Variants in TFIP11 observed in about 807,000 individuals in gnomAD.
TFIP11 encodes the protein tuftelin interacting protein 11, also known as tuftelin-interacting protein 11.
Under a neutral mutation model 96.8 loss-of-function variants are expected in TFIP11, and 86 were observed. The ratio of observed to expected loss-of-function variants is 0.89; its 90% CI spans 0.75 to 1.06. The LOEUF is 1.06. Among genes scored for constraint, TFIP11 ranks in the 50% least tolerant of loss-of-function variants. The pLI, the probability that TFIP11 is intolerant of heterozygous loss-of-function variation, is 0.00. For synonymous variants in TFIP11, 405 were observed against 395.2 expected (o/e 1.02, Z -0.29); for missense variants, 881 against 1,076.7 (o/e 0.82, Z 2.54).
intron 8 of TFIP11, among the ~76,000 whole-genome samples, chr22:26,500,753 C>T (rs937442830): frequency 6.6e-6 from 1 of 151,926 alleles, no homozygotes; most frequent in African/African-American, 2.4e-5. Flanking sequence ...GTCCAGATAA[C>T]AGCACGTTTG....
At chr22:26,499,077 GA>G (rs768998858) in intron 9 of TFIP11, 26 bp downstream of exon 9, 199 of 1,595,494 alleles carry the variant, frequency 1.2e-4, no homozygotes, top group Middle Eastern at 1.7e-4. Context: ...GAGAGGCAGG[GA>G]TAGGTTGATT....
intron 6 of TFIP11, among the ~76,000 whole-genome samples, chr22:26,505,518 T>G (rs1470111884): frequency 3.3e-5 from 5 of 152,008 alleles, no homozygotes; most frequent in Admixed American, 1.3e-4. Context: ...TCCTGTGGGT[T>G]GGGGTGGAAG....
intron 13 of TFIP11, 186 bp from the exon 14 acceptor site, chr22:26,494,490 G>C: frequency 3.9e-6 from 3 of 766,394 alleles, no homozygotes; most frequent in Non-Finnish European, 6.3e-6. Flanking sequence ...GGTAGCTAAA[G>C]TGCCCTTGCA....
chr22:26,510,306 C>G, intron 3 of TFIP11, 25 bp from the exon 4 acceptor site: 1 of 1,610,632 alleles, frequency 6.2e-7, no homozygotes, highest in East Asian at 2.2e-5. Context: ...AAAAAGAGCA[C>G]AGGCCGTAAG....
At chr22:26,495,420 G>A (rs1050460841) in intron 12 of TFIP11, among the ~76,000 whole-genome samples, 7 of 151,638 alleles carry the variant, frequency 4.6e-5, no homozygotes, top group African/African-American at 1.7e-4. Context: ...TGGGACGACA[G>A]GCGCCCGCCA....
Position 26,494,145 on chromosome 22 carries a change from TGGA to T in TFIP11, c.2149_2151del (p.Ser717del), listed in dbSNP as rs769844960. On this transcript the variant is annotated inframe_deletion, in exon 14 of 15. Coordinates refer to ENST00000407690, the MANE Select transcript of TFIP11 (RefSeq NM_012143.4). ...AATGGGAATCCTCACTTACCAACGT[TGGA>T]GGACACCGCCCGGTTCATGATATCA... 1 of 1,613,902 alleles carries T rather than the reference TGGA, an allele frequency of 6.2e-7. No homozygotes were observed. The highest frequency in any genetic ancestry group is 8.5e-7 in the Non-Finnish European group (1 of 1,179,784).
chr22:26,506,485 A>G, intron 5 of TFIP11, 26 bp from the exon 6 acceptor site: 1 of 1,582,574 alleles, frequency 6.3e-7, no homozygotes, highest in South Asian at 1.2e-5. Context: ...ATCAAAGCTT[A>G]GTTAATGGAA....
At chr22:26,496,348 C>A in intron 11 of TFIP11, 32 bp from the exon 12 acceptor site, 1 of 1,564,116 alleles carries the variant, frequency 6.4e-7, no homozygotes, top group South Asian at 1.2e-5. Flanking sequence ...CAGTTCATGT[C>A]GCCTGTGGGG....
intron 7 of TFIP11, among the ~76,000 whole-genome samples, chr22:26,503,167 C>G (rs1347911220): frequency 6.6e-6 from 1 of 152,184 alleles, no homozygotes; most frequent in Non-Finnish European, 1.5e-5. Flanking sequence ...CTAAAAATGG[C>G]TGTCATGGCT....
Position 26,499,805 on chromosome 22 carries a change from A to T in TFIP11, c.802-174T>A, listed in dbSNP as rs921182956. Among the ~76,000 whole-genome samples the T allele has an allele frequency of 2.0e-5, 3 of 152,152 alleles. No homozygotes were observed. The South Asian group carries it at 6.2e-4, about 32-fold the overall frequency. ...ACCATACTGTCCTAGCCTAAAGGAGACTCCAGGGACAAAATCAGATGCAGC... is the reference window on the plus strand; with the variant it reads ...ACCATACTGTCCTAGCCTAAAGGAGTCTCCAGGGACAAAATCAGATGCAGC... On this transcript the variant is annotated intron_variant, in intron 8 of 14. Coordinates refer to ENST00000407690, the MANE Select transcript of TFIP11 (RefSeq NM_012143.4).
At chr22:26,498,835 G>A (rs199498309) in intron 10 of TFIP11, 34 bp downstream of exon 10, 503 of 1,559,202 alleles carry the variant, frequency 3.2e-4, no homozygotes, top group Non-Finnish European at 4.1e-4. Context: ...CAGGAGAAAG[G>A]AGCTGGGGTA....
At chr22:26,500,661 G>GAA (rs112618998) in intron 8 of TFIP11, among the ~76,000 whole-genome samples, 2 of 142,492 alleles carry the variant, frequency 1.4e-5, no homozygotes, top group African/African-American at 2.6e-5. Context: ...CTCACTGGAG[G>GAA]AAAAAAAAAA....
In TFIP11 at chr22:26,494,149, G is replaced by A. The variant is rs1287376258; in HGVS notation, c.2148C>T (p.Ser716=). ...GGAATCCTCACTTACCAACGTTGGA[G>A]GACACCGCCCGGTTCATGATATCAA... The part of the protein sequence containing the change: ...EALDIMNRAV[S]SNVGAYMQPG... The change falls in exon 14 of 15, where the codon TCC becomes TCT. Residue 716 remains serine (S), a synonymous_variant. Transcript: ENST00000407690. 6.2e-7 allele frequency: 1 copy of A among 1,613,920 alleles called. No homozygotes were observed. Among genetic ancestry groups the A allele is most frequent in the East Asian group, 2.2e-5 (1 of 44,880 alleles).
intron 14 of TFIP11, 43 bp downstream of exon 14, chr22:26,494,094 CTG>C: frequency 3.7e-6 from 6 of 1,604,688 alleles, no homozygotes; most frequent in Non-Finnish European, 5.1e-6. Context: ...TGTGTAAAAT[CTG>C]AAACTTGGGG....
chr22:26,497,853 C>T (rs539370832), intron 10 of TFIP11, among the ~76,000 whole-genome samples: 100 of 128,456 alleles, frequency 7.8e-4, no homozygotes, highest in Non-Finnish European at 1.3e-3. Context: ...TCCAGCCTGG[C>T]GACAAAGCAA....
intron 6 of TFIP11, among the ~76,000 whole-genome samples, chr22:26,504,842 G>A (rs559730509): frequency 7.6e-4 from 116 of 152,218 alleles, no homozygotes; most frequent in Middle Eastern, 3.4e-3. Flanking sequence ...TTGGGAGGCC[G>A]AGGAGGATGG....
In TFIP11 at chr22:26,510,150, G is replaced by A; in HGVS notation, c.123C>T (p.Arg41=). The change falls in exon 4 of 15, where the codon CGC becomes CGT. Residue 41 remains arginine (R), a synonymous_variant. Transcript: ENST00000407690. The stretch of plus-strand genomic sequence containing the variant: ...TGGCTTCTTCCTTGGTCTGCCAGTG[G>A]CGCTGTCGGTTGGGGTTGAACTCAT... ...LQNEFNPNRQ[R]HWQTKEEATY... The A allele has an allele frequency of 1.9e-6, 3 of 1,614,132 alleles. No individual in the cohort carries two copies. Among genetic ancestry groups the A allele is most frequent in the Non-Finnish European group, 2.5e-6 (3 of 1,180,030 alleles).
At chr22:26,497,791 G>A (rs1473762203) in intron 10 of TFIP11, among the ~76,000 whole-genome samples, 3 of 149,530 alleles carry the variant, frequency 2.0e-5, no homozygotes. Context: ...CAGGAGAATC[G>A]CTTGAACCCG....
In TFIP11 at chr22:26,491,954, T is replaced by TA. The variant is rs1469823496; in HGVS notation, c.*58dup. 1 of 1,444,812 alleles carries TA rather than the reference T, an allele frequency of 6.9e-7. No individual in the cohort carries two copies. Among genetic ancestry groups the TA allele is most frequent in the Admixed American group, 2.1e-5 (1 of 48,152 alleles). 89.5% of individuals were successfully genotyped at this position (1,444,812 alleles called of 1,614,324 possible). On this transcript the variant is annotated 3_prime_UTR_variant, in exon 15 of 15. Coordinates refer to ENST00000407690, the MANE Select transcript of TFIP11 (RefSeq NM_012143.4). ...TTGAAGGTGATCTAAAAATACTGTT[T>TA]ATTTACAGTACATCCCTCTTAGGGG... is the stretch of plus-strand genomic sequence containing the variant.
Sources: gnomAD v4.1 joint callset for allele counts (sites outside exome capture counted in the v4.1 genomes callset) on GRCh38, gnomAD v4.1.1 for gene constraint, MANE v1.5 for transcripts, NCBI Gene and HGNC (gene_info 2026-07-23, HGNC 2026-07-21) for gene names.